The following PTPRC variants were observed in gnomAD, a reference collection of about 807,000 sequenced individuals.
The protein encoded by PTPRC is receptor-type tyrosine-protein phosphatase C.
A neutral mutation model predicts 155.9 loss-of-function variants in PTPRC; 44 were observed. That is an observed-to-expected ratio of 0.28 (90% CI 0.22 to 0.36). PTPRC has a LOEUF of 0.36. Ranked by LOEUF, PTPRC falls within the 10% of genes least tolerant of loss-of-function variation. The probability of loss-of-function intolerance (pLI) is 1.00; values close to 1 mark genes in which losing one functional copy is unlikely to be tolerated. For synonymous variants in PTPRC, 525 were observed against 533.1 expected (o/e 0.98, Z 0.21); for missense variants, 1,401 against 1,564.6 (o/e 0.90, Z 1.76).
At chr1:198,691,811 G>A (rs922617248) in intron 2 of PTPRC, among the ~76,000 whole-genome samples, 4 of 152,046 alleles carry the variant, frequency 2.6e-5, no homozygotes, top group Non-Finnish European at 4.4e-5. Flanking sequence ...ATATAAATAA[G>A]ATGATCCTGT....
intron 32 of PTPRC, among the ~76,000 whole-genome samples, chr1:198,755,655 G>A (rs1029881429): frequency 6.6e-6 from 1 of 152,062 alleles, no homozygotes; most frequent in African/African-American, 2.4e-5. Flanking sequence ...CATGGAAATG[G>A]CCCATGAGCG....
intron 2 of PTPRC, among the ~76,000 whole-genome samples, chr1:198,670,312 C>A (rs1048936325): frequency 6.6e-6 from 1 of 151,982 alleles, no homozygotes; most frequent in Non-Finnish European, 1.5e-5. Flanking sequence ...GTTATATGAC[C>A]TTATTATGTA....
chr1:198,674,647 A>G (rs1024709530), intron 2 of PTPRC, among the ~76,000 whole-genome samples: 2 of 151,344 alleles, frequency 1.3e-5, no homozygotes, highest in Non-Finnish European at 2.9e-5. Context: ...TCACAAAAAC[A>G]CTCAATTTAA....
chr1:198,696,970 T>A, intron 4 of PTPRC, 61 bp downstream of exon 4: 1 of 1,398,804 alleles, frequency 7.1e-7, no homozygotes, highest in Non-Finnish European at 1.0e-6. Context: ...AATTCTACAG[T>A]TATCAGTACA....
intron 2 of PTPRC, among the ~76,000 whole-genome samples, chr1:198,677,635 A>T (rs1665033513): frequency 6.6e-6 from 1 of 152,130 alleles, no homozygotes; most frequent in Non-Finnish European, 1.5e-5. Context: ...TTGCACTTAC[A>T]CATTGTAATG....
chr1:198,749,154 T>C (rs1655266687), intron 27 of PTPRC, among the ~76,000 whole-genome samples: 1 of 151,766 alleles, frequency 6.6e-6, no homozygotes, highest in African/African-American at 2.4e-5. Flanking sequence ...TAAATAATCA[T>C]ATATAATGAT....
intron 27 of PTPRC, among the ~76,000 whole-genome samples, chr1:198,748,479 G>T (rs973915210): frequency 3.5e-4 from 53 of 151,544 alleles, no homozygotes; most frequent in African/African-American, 1.3e-3. Flanking sequence ...ATATAAAGCT[G>T]GGAGAAAAAA....
chr1:198,750,662 T>C, intron 29 of PTPRC, 36 bp downstream of exon 29: 1 of 1,607,404 alleles, frequency 6.2e-7, no homozygotes, highest in Non-Finnish European at 8.5e-7. Context: ...TAAGCCTTTC[T>C]GTCATAAAAC....
intron 2 of PTPRC, chr1:198,657,797 A>G (rs1663680435): frequency 6.6e-6 from 1 of 152,146 alleles, no homozygotes; most frequent in South Asian, 2.1e-4. Context: ...ATTGCTGTTC[A>G]TCTTTGAATG....
chr1:198,727,439 T>C (rs1654190404), intron 15 of PTPRC, among the ~76,000 whole-genome samples: 1 of 152,008 alleles, frequency 6.6e-6, no homozygotes, highest in Admixed American at 6.5e-5. Context: ...GTTTGGCAGA[T>C]GACCAAAAGC....
intron 12 of PTPRC, among the ~76,000 whole-genome samples, chr1:198,716,176 G>T (rs1175598780): frequency 1.3e-5 from 2 of 152,044 alleles, no homozygotes; most frequent in African/African-American, 2.4e-5. Context: ...CACAGCTCCC[G>T]TTAATTACTG....
chr1:198,661,550 T>C (rs1382345823), intron 2 of PTPRC, among the ~76,000 whole-genome samples: 1 of 151,944 alleles, frequency 6.6e-6, no homozygotes, highest in Non-Finnish European at 1.5e-5. Flanking sequence ...AATTTTCTAC[T>C]AATGAGAGAA....
In PTPRC at chr1:198,712,726, T is replaced by C. The variant is rs768862778; in HGVS notation, c.1172-227T>C. On this transcript the variant is annotated intron_variant, in intron 11 of 32. Coordinates refer to ENST00000442510, the MANE Select transcript of PTPRC (RefSeq NM_002838.5). ...GAGGGGGTTCTTAGATATCTTCAAG[T>C]CAGTGGAATGCTTAGGTTTCACAGT... is the stretch of plus-strand genomic sequence containing the variant. 3 of 544,636 alleles carry C rather than the reference T, an allele frequency of 5.5e-6. No homozygotes were observed. In the East Asian group the frequency reaches 9.7e-5, roughly 18 times the overall value. 33.7% of individuals were successfully genotyped at this position (544,636 alleles called of 1,614,324 possible). A position where few individuals can be genotyped will look rare whatever the true frequency, so the allele number is the denominator to read the frequency against.
rs149344489 is a variant in PTPRC, at chr1:198,697,202, C to T, written c.298+293C>T. ...ATCTATACACACTCGCCATGATTCT[C>T]CCGCTTGGCTTCCCGCCACCTGGAC... On this transcript the variant is annotated intron_variant, in intron 4 of 32. Transcript: ENST00000442510. 3.8e-3 allele frequency among the ~76,000 whole-genome samples: 580 copies of T among 152,258 alleles called. 6 individuals carry two copies. Among genetic ancestry groups the T allele is most frequent in the African/African-American group, 0.013 (529 of 41,544 alleles).
chr1:198,667,247 G>T (rs1006918104), intron 2 of PTPRC, among the ~76,000 whole-genome samples: 1 of 152,154 alleles, frequency 6.6e-6, no homozygotes, highest in Non-Finnish European at 1.5e-5. Flanking sequence ...ACCATTCATT[G>T]CTGTCAGAGG....
chr1:198,752,160 GAC>G (rs1171010827), intron 29 of PTPRC, 87 bp from the exon 30 acceptor site: 1 of 1,411,294 alleles, frequency 7.1e-7, no homozygotes, highest in African/African-American at 1.4e-5. Flanking sequence ...AAGAGGCACA[GAC>G]AGAGAAAGAA....
intron 3 of PTPRC, chr1:198,694,751 T>C: frequency 1.1e-6 from 1 of 951,750 alleles, no homozygotes; most frequent in Non-Finnish European, 1.3e-6. Context: ...TTCTTTCCAC[T>C]CCCTTTCTCC....
At position 198,728,232 on chromosome 1, in the gene PTPRC, C is replaced by T. The variant is rs573071844; in HGVS notation, c.1721-108C>T. 7 of 814,068 alleles carry T rather than the reference C, an allele frequency of 8.6e-6. No homozygotes were observed. The South Asian group carries it at 1.4e-4, about 16-fold the overall frequency. 50.4% of individuals were successfully genotyped at this position (814,068 alleles called of 1,614,324 possible). ...AAAATGTTTATTTTTTAAAACCTCA[C>T]AATAAATTTAAAAATATTAAAATAT... On this transcript the variant is annotated intron_variant, in intron 15 of 32. Coordinates refer to ENST00000442510, the MANE Select transcript of PTPRC (RefSeq NM_002838.5).
At chr1:198,747,072 C>T (rs1199430268) in intron 26 of PTPRC, among the ~76,000 whole-genome samples, 1 of 151,710 alleles carries the variant, frequency 6.6e-6, no homozygotes, top group Non-Finnish European at 1.5e-5. Flanking sequence ...TTCTCAGTTT[C>T]AGTTATTTGT....
Sources: gnomAD v4.1 joint callset for allele counts (sites outside exome capture counted in the v4.1 genomes callset) on GRCh38, gnomAD v4.1.1 for gene constraint, MANE v1.5 for transcripts, NCBI Gene and HGNC (gene_info 2026-07-23, HGNC 2026-07-21) for gene names.